The following STAU1 variants were observed in gnomAD, a reference collection of about 807,000 sequenced individuals.
STAU1 encodes the protein double-stranded RNA-binding protein Staufen homolog 1.
STAU1 carries 13 observed loss-of-function variants against 62.9 expected under a neutral mutation model. That is an observed-to-expected ratio of 0.21 (90% CI 0.13 to 0.33). STAU1 has a LOEUF of 0.33. Among genes scored for constraint, STAU1 ranks in the 10% least tolerant of loss-of-function variants. The pLI is 1.00. For synonymous variants in STAU1, 269 were observed against 265.1 expected, an observed-to-expected ratio of 1.01 and a Z score of -0.14; for missense variants, 571 against 712.1, an observed-to-expected ratio of 0.80 and a Z score of 2.25.
intron 6 of STAU1, chr20:49,134,731 G>C: frequency 9.1e-7 from 1 of 1,101,442 alleles, no homozygotes; most frequent in East Asian, 2.4e-5. Context: ...AACTCCAAAA[G>C]TGCAATTCCA....
At chr20:49,150,667 AT>A (rs909248241) in intron 5 of STAU1, among the ~76,000 whole-genome samples, 10 of 149,734 alleles carry the variant, frequency 6.7e-5, no homozygotes, top group African/African-American at 1.5e-4. Flanking sequence ...AGCCACCTCA[AT>A]TTTTTTTTTC....
the STAU1 span, among the ~76,000 whole-genome samples, chr20:49,210,904 C>T: frequency 1.3e-5 from 2 of 152,044 alleles, no homozygotes; most frequent in African/African-American, 4.8e-5. Context: ...TATGTAGTTC[C>T]AAAACATTTT....
the STAU1 span, among the ~76,000 whole-genome samples, chr20:49,204,633 TATATATATA>T: frequency 2.6e-4 from 16 of 62,710 alleles, no homozygotes; most frequent in Admixed American, 7.6e-4. Flanking sequence ...TGTGTATATA[TATATATATA>T]TATATTTTTT....
chr20:49,169,815 T>C (rs527545899), intron 2 of STAU1, among the ~76,000 whole-genome samples: 2 of 152,316 alleles, frequency 1.3e-5, no homozygotes, highest in South Asian at 4.1e-4. Flanking sequence ...CAACAAAACA[T>C]ACTCATCTTA....
intron 8 of STAU1, among the ~76,000 whole-genome samples, chr20:49,121,479 T>C (rs1391512515): frequency 1.3e-5 from 2 of 152,224 alleles, no homozygotes; most frequent in African/African-American, 2.4e-5. Flanking sequence ...ATCTACAGTA[T>C]GTATTTGTCA....
chr20:49,180,755 A>G (rs1028110296), intron 1 of STAU1, among the ~76,000 whole-genome samples: 38 of 152,368 alleles, frequency 2.5e-4, no homozygotes, highest in African/African-American at 8.9e-4. Context: ...TTAATTTGAC[A>G]TAACAAATAA....
chr20:49,156,748 C>T (rs926715392), intron 3 of STAU1, among the ~76,000 whole-genome samples: 1 of 152,118 alleles, frequency 6.6e-6, no homozygotes, highest in Non-Finnish European at 1.5e-5. Context: ...ACCTTGAACA[C>T]TTTCTATGGT....
At chr20:49,137,878 C>T (rs2092924153) in intron 5 of STAU1, among the ~76,000 whole-genome samples, 1 of 140,198 alleles carries the variant, frequency 7.1e-6, no homozygotes, top group African/African-American at 2.6e-5. Context: ...TGGGGTTTCA[C>T]CATCTTGGCC....
chr20:49,145,198 G>T (rs888486892), intron 5 of STAU1, among the ~76,000 whole-genome samples: 2 of 152,024 alleles, frequency 1.3e-5, no homozygotes, highest in Non-Finnish European at 2.9e-5. Flanking sequence ...GGCTGAGGCG[G>T]GTGGATCACG....
At chr20:49,164,758 C>T (rs1018601328) in intron 3 of STAU1, among the ~76,000 whole-genome samples, 1 of 151,932 alleles carries the variant, frequency 6.6e-6, no homozygotes, top group African/African-American at 2.4e-5. Context: ...AATAGAGACC[C>T]CGTGAAACAA....
chr20:49,211,165 A>G, the STAU1 span, among the ~76,000 whole-genome samples: 3 of 152,210 alleles, frequency 2.0e-5, no homozygotes, highest in East Asian at 5.8e-4. Context: ...TCATTTTTAT[A>G]ACTGAATAAT....
chr20:49,124,226 T>A (rs1304644422), intron 7 of STAU1, 149 bp downstream of exon 7: 42 of 766,718 alleles, frequency 5.5e-5, no homozygotes, highest in Admixed American at 1.2e-4. Flanking sequence ...AACAGGTGGC[T>A]CTTGCAGCAC....
intron 3 of STAU1, among the ~76,000 whole-genome samples, chr20:49,159,863 CT>C (rs1472726301): frequency 1.3e-5 from 2 of 152,216 alleles, no homozygotes; most frequent in African/African-American, 4.8e-5. Flanking sequence ...CTCCCAGTCC[CT>C]AGTTGCCTAA....
At chr20:49,127,737 C>T (rs1197275247) in intron 6 of STAU1, among the ~76,000 whole-genome samples, 1 of 151,664 alleles carries the variant, frequency 6.6e-6, no homozygotes, top group Non-Finnish European at 1.5e-5. Flanking sequence ...AGGGGCCAGG[C>T]ACATTGGCTC....
At chr20:49,182,976 A>C (rs1043828605) in intron 1 of STAU1, among the ~76,000 whole-genome samples, 1 of 152,238 alleles carries the variant, frequency 6.6e-6, no homozygotes, top group Admixed American at 6.5e-5. Context: ...TTCATAATAA[A>C]ATGGTGGGGG....
chr20:49,162,456 G>A (rs2093463253), intron 3 of STAU1, among the ~76,000 whole-genome samples: 1 of 152,164 alleles, frequency 6.6e-6, no homozygotes, highest in African/African-American at 2.4e-5. Context: ...CCACGCAGCT[G>A]AGTGGGAGAA....
At chr20:49,139,006 T>C (rs1440386928) in intron 5 of STAU1, among the ~76,000 whole-genome samples, 1 of 151,988 alleles carries the variant, frequency 6.6e-6, no homozygotes, top group African/African-American at 2.4e-5. Context: ...TACTGTAAGC[T>C]TGTTCAACAA....
In STAU1 at chr20:49,117,026, A is replaced by G; in HGVS notation, c.1632+100T>C. On this transcript the variant is annotated intron_variant, in intron 12 of 13. Transcript: ENST00000371856. This position sits in a 1 kb window ranked among gnomAD's most constrained non-coding sequence, Gnocchi z 4.6. ...TCATTGCTCTCAAGGTCTATGGGAC[A>G]ATCTTTCTCCCATCTTCCTCAGGCT... 1 of 1,478,518 alleles carries G rather than the reference A, an allele frequency of 6.8e-7. No homozygotes were observed. The highest frequency in any genetic ancestry group is 9.2e-7 in the Non-Finnish European group (1 of 1,082,740). 91.6% of individuals were successfully genotyped at this position (1,478,518 alleles called of 1,614,324 possible).
chr20:49,134,367 G>T (rs1238032522), intron 6 of STAU1: 1 of 448,642 alleles, frequency 2.2e-6, no homozygotes, highest in Non-Finnish European at 4.0e-6. Flanking sequence ...GGAGGTGGAG[G>T]TTGCAGTGAG....
Sources: gnomAD v4.1 joint callset for allele counts (sites outside exome capture counted in the v4.1 genomes callset) on GRCh38, gnomAD v4.1.1 for gene constraint, Gnocchi (gnomAD v3.1) non-coding constraint, MANE v1.5 for transcripts, NCBI Gene and HGNC (gene_info 2026-07-23, HGNC 2026-07-21) for gene names.